The following ANKS3 variants were observed in gnomAD, a reference collection of about 807,000 sequenced individuals.
ANKS3 encodes the protein ankyrin repeat and SAM domain-containing protein 3.
In ANKS3, 62 loss-of-function variants were observed where a neutral mutation model predicts 80.7. The observed-to-expected ratio is 0.77, with a 90% CI of 0.63 to 0.95. The LOEUF is 0.95. ANKS3 is among the 40% of genes least tolerant of loss of function. ANKS3 has a pLI of 0.00. For missense variants in ANKS3, 1,150 were observed against 883.6 expected, an observed-to-expected ratio of 1.30 and a Z score of -3.82; for synonymous variants, 489 against 355.3, an observed-to-expected ratio of 1.38 and a Z score of -4.23.
At chr16:4,702,340 G>A (rs1392046488) in intron 8 of ANKS3, 98 bp from the exon 9 acceptor site, 5 of 1,283,972 alleles carry the variant, frequency 3.9e-6, no homozygotes, top group African/African-American at 1.6e-5. Context: ...TCCCAGTCAT[G>A]ACCTCACCTA....
intron 7 of ANKS3, 84 bp from the exon 8 acceptor site, chr16:4,705,337 C>T (rs1477216051): frequency 1.3e-6 from 2 of 1,505,376 alleles, no homozygotes; most frequent in Non-Finnish European, 9.0e-7. Flanking sequence ...AAGAAAGTGA[C>T]TGTCGCCGGT....
At position 4,721,645 on chromosome 16, in the gene ANKS3, T is replaced by G. The variant is rs530694275; in HGVS notation, c.573+3105A>C. ...TTATTGATTTATTTATTTATTTATT[T>G]ATTTATTTATTTAGAGATAGTCTCA... On this transcript the variant is annotated intron_variant, in intron 6 of 17. Transcript: ENST00000304283. Among the ~76,000 whole-genome samples the G allele has an allele frequency of 1.6e-3, 246 of 150,456 alleles. 5 individuals carry two copies. The highest frequency in any genetic ancestry group is 2.8e-3 in the Non-Finnish European group (190 of 67,420).
chr16:4,698,714 T>C, intron 13 of ANKS3, 86 bp downstream of exon 13: 1 of 1,544,368 alleles, frequency 6.5e-7, no homozygotes, highest in East Asian at 2.2e-5. Context: ...ACCTGACCCC[T>C]CCACACAGCA....
intron 8 of ANKS3, among the ~76,000 whole-genome samples, chr16:4,703,964 C>T (rs1334068936): frequency 6.6e-6 from 1 of 152,218 alleles, no homozygotes; most frequent in Non-Finnish European, 1.5e-5. Flanking sequence ...TTCCTGTCCC[C>T]ACCACACCTC....
At chr16:4,713,640 G>C (rs1199497671) in intron 7 of ANKS3, among the ~76,000 whole-genome samples, 1 of 152,260 alleles carries the variant, frequency 6.6e-6, no homozygotes, top group African/African-American at 2.4e-5. Flanking sequence ...ACAACACAAA[G>C]ATATAGTTAA....
chr16:4,732,686 A>AAAC (rs2081699181), intron 1 of ANKS3, among the ~76,000 whole-genome samples: 1 of 150,268 alleles, frequency 6.7e-6, no homozygotes, highest in South Asian at 2.1e-4. Context: ...CTCAAAAAAA[A>AAAC]AAACAAAAAA....
chr16:4,707,804 C>T (rs1047316186), intron 7 of ANKS3, among the ~76,000 whole-genome samples: 1 of 152,104 alleles, frequency 6.6e-6, no homozygotes, highest in Non-Finnish European at 1.5e-5. Flanking sequence ...AAGCAAAACA[C>T]GGAACACTAA....
intron 6 of ANKS3, among the ~76,000 whole-genome samples, chr16:4,722,346 C>T (rs1267365697): frequency 6.6e-6 from 1 of 151,258 alleles, no homozygotes; most frequent in East Asian, 1.9e-4. Context: ...TTTGGGAGGC[C>T]AGGGCGGGCA....
intron 3 of ANKS3, chr16:4,727,871 C>G (rs540801477): frequency 1.3e-5 from 2 of 153,194 alleles, no homozygotes; most frequent in African/African-American, 4.8e-5. Flanking sequence ...TTCCTAGCTG[C>G]GACTCTGGGG....
At chr16:4,705,543 C>T (rs776126932) in intron 7 of ANKS3, among the ~76,000 whole-genome samples, 7 of 152,212 alleles carry the variant, frequency 4.6e-5, no homozygotes, top group Non-Finnish European at 4.4e-5. Flanking sequence ...TCACTCACTG[C>T]AACCTCCGCC....
At position 4,730,056 on chromosome 16, in the gene ANKS3, C is replaced by G. The variant is rs760505580; in HGVS notation, c.94G>C (p.Glu32Gln). 6.3e-7 allele frequency: 1 copy of G among 1,590,272 alleles called. No homozygotes were observed. Among genetic ancestry groups the G allele is most frequent in the South Asian group, 1.1e-5 (1 of 88,280 alleles). The change falls in exon 3 of 18, where the codon GAG (glutamate) becomes CAG (glutamine). Residue 32 changes from glutamate (E) to glutamine (Q), a missense_variant. Coordinates refer to ENST00000304283, the MANE Select transcript of ANKS3 (RefSeq NM_133450.4). ...HGLGTQVSGE[E>Q]LDVPLDLHTA... The stretch of plus-strand genomic sequence containing the variant: ...TGAAGATCCAGGGGGACATCCAGCT[C>G]CTCCCCGCTGACCTGTGTCCCGAGC...
At chr16:4,707,502 G>A (rs1377673386) in intron 7 of ANKS3, among the ~76,000 whole-genome samples, 5 of 152,038 alleles carry the variant, frequency 3.3e-5, no homozygotes, top group South Asian at 2.1e-4. Context: ...GACTGGTCTC[G>A]AACTCCTGAC....
At chr16:4,709,827 A>G (rs1166385171) in intron 7 of ANKS3, among the ~76,000 whole-genome samples, 2 of 152,048 alleles carry the variant, frequency 1.3e-5, no homozygotes, top group African/African-American at 4.8e-5. Flanking sequence ...CCTGGTCAGT[A>G]TAGCAAGACC....
At chr16:4,727,225 G>A (rs2081401079) in intron 3 of ANKS3, 48 bp from the exon 4 acceptor site, 4 of 1,592,522 alleles carry the variant, frequency 2.5e-6, no homozygotes, top group Admixed American at 1.7e-5. Context: ...CCTCGCATGT[G>A]GGGTTCACCA....
At chr16:4,716,203 A>C (rs1027133145) in intron 6 of ANKS3, among the ~76,000 whole-genome samples, 1 of 151,570 alleles carries the variant, frequency 6.6e-6, no homozygotes, top group East Asian at 1.9e-4. Flanking sequence ...TACAAATACA[A>C]AAAGAAATTA....
chr16:4,728,474 CA>C (rs1161235886), intron 3 of ANKS3, among the ~76,000 whole-genome samples: 1 of 152,142 alleles, frequency 6.6e-6, no homozygotes, highest in Non-Finnish European at 1.5e-5. Flanking sequence ...AGCCCCTGGC[CA>C]GGGGGGCTGC....
At chr16:4,698,777 C>A in intron 13 of ANKS3, 23 bp downstream of exon 13, 2 of 1,584,648 alleles carry the variant, frequency 1.3e-6, no homozygotes, top group South Asian at 2.3e-5. Context: ...CCCTGCCCCC[C>A]CATCCCCCAC....
intron 6 of ANKS3, 81 bp from the exon 7 acceptor site, chr16:4,714,267 A>G (rs1247433826): frequency 1.9e-6 from 3 of 1,571,068 alleles, no homozygotes; most frequent in Admixed American, 3.5e-5. Flanking sequence ...GGGAAGACAG[A>G]AGGGCATATG....
chr16:4,717,175 G>C (rs1352309620), intron 6 of ANKS3, among the ~76,000 whole-genome samples: 1 of 152,050 alleles, frequency 6.6e-6, no homozygotes, highest in Non-Finnish European at 1.5e-5. Flanking sequence ...CCAGGAGGTG[G>C]AAGTTGCAAT....
Sources: gnomAD v4.1 joint callset for allele counts (sites outside exome capture counted in the v4.1 genomes callset) on GRCh38, gnomAD v4.1.1 for gene constraint, MANE v1.5 for transcripts, NCBI Gene and HGNC (gene_info 2026-07-23, HGNC 2026-07-21) for gene names.